Variants in SAMD5 observed in about 807,000 individuals in gnomAD.
The protein encoded by SAMD5 is sterile alpha motif domain containing 5, also known as sterile alpha motif domain-containing protein 5.
In SAMD5, 13 loss-of-function variants were observed where a neutral mutation model predicts 11.3. The observed-to-expected ratio is 1.15, with a 90% CI of 0.75 to 1.83. The LOEUF (loss-of-function observed/expected upper bound fraction) is 1.83. Among genes scored for constraint, SAMD5 ranks in the 40% most tolerant of loss-of-function variants. The pLI is 0.00. For synonymous variants in SAMD5, 129 were observed against 111.3 expected (o/e 1.16, Z -1.00); for missense variants, 255 against 239.1 (o/e 1.07, Z -0.44).
intron 1 of SAMD5, among the ~76,000 whole-genome samples, chr6:147,639,681 G>A (rs58188382): frequency 6.6e-6 from 1 of 152,324 alleles, no homozygotes; most frequent in East Asian, 1.9e-4. Context: ...TTTCTGATTA[G>A]GAAGCATTGA....
intron 1 of SAMD5, among the ~76,000 whole-genome samples, chr6:147,644,144 T>C (rs1790359529): frequency 6.6e-6 from 1 of 152,174 alleles, no homozygotes. Context: ...GACTGTAAAA[T>C]GTAGACACCA....
the SAMD5 span, among the ~76,000 whole-genome samples, chr6:147,906,696 A>G: frequency 1.2e-4 from 19 of 152,340 alleles, no homozygotes; most frequent in Admixed American, 1.2e-3. Context: ...AAGTCTACAT[A>G]CTTACATAAA....
At chr6:147,870,436 G>T in the SAMD5 span, among the ~76,000 whole-genome samples, 1 of 126,060 alleles carries the variant, frequency 7.9e-6, no homozygotes, top group Non-Finnish European at 1.7e-5. Flanking sequence ...CCTTTGGTGT[G>T]TGTGTGTGTG....
the SAMD5 span, among the ~76,000 whole-genome samples, chr6:147,857,527 T>A: frequency 1.3e-5 from 2 of 151,686 alleles, no homozygotes; most frequent in Non-Finnish European, 2.9e-5. Context: ...AAAAATTATA[T>A]AATGATAATA....
At chr6:147,578,375 C>T (rs1348412828) in intron 1 of SAMD5, among the ~76,000 whole-genome samples, 1 of 152,108 alleles carries the variant, frequency 6.6e-6, no homozygotes, top group Non-Finnish European at 1.5e-5. Flanking sequence ...ATTCCCACAT[C>T]CTTGAAGAAG....
chr6:147,844,380 G>A, the SAMD5 span, among the ~76,000 whole-genome samples: 1 of 152,132 alleles, frequency 6.6e-6, no homozygotes. Flanking sequence ...GAATCTTTGT[G>A]CACTGTTTAG....
the SAMD5 span, among the ~76,000 whole-genome samples, chr6:147,865,313 AGTGTGTGTGT>A: frequency 0.12 from 17,069 of 147,052 alleles, 1,188 homozygotes; most frequent in Non-Finnish European, 0.17. Context: ...TAGGTATATA[AGTGTGTGTGT>A]GTGTGTGTGT....
intron 1 of SAMD5, among the ~76,000 whole-genome samples, chr6:147,594,321 T>A (rs1227876435): frequency 6.6e-6 from 1 of 152,134 alleles, no homozygotes; most frequent in African/African-American, 2.4e-5. Flanking sequence ...GAGCAGAACG[T>A]GGAGAATGAA....
At chr6:147,951,727 T>C in the SAMD5 span, among the ~76,000 whole-genome samples, 4 of 152,168 alleles carry the variant, frequency 2.6e-5, no homozygotes, top group Non-Finnish European at 5.9e-5. Flanking sequence ...GGGAATTTGA[T>C]TGATTGGCCA....
At chr6:147,561,549 A>G (rs1788950843) in intron 1 of SAMD5, among the ~76,000 whole-genome samples, 3 of 152,272 alleles carry the variant, frequency 2.0e-5, no homozygotes, top group Admixed American at 6.5e-5. Context: ...TCAACCTAGT[A>G]TGATAACCGA....
At chr6:147,677,109 T>G (rs1336182286) in intron 1 of SAMD5, among the ~76,000 whole-genome samples, 1 of 152,128 alleles carries the variant, frequency 6.6e-6, no homozygotes, top group African/African-American at 2.4e-5. Flanking sequence ...CTGCTGATGT[T>G]TAGGAGTGGA....
the SAMD5 span, among the ~76,000 whole-genome samples, chr6:147,873,809 T>C: frequency 3.3e-5 from 5 of 152,228 alleles, no homozygotes; most frequent in South Asian, 2.1e-4. Context: ...TCTTTATTCA[T>C]TGAGCTAGCT....
chr6:147,587,026 A>G (rs1789384270), intron 1 of SAMD5, among the ~76,000 whole-genome samples: 1 of 152,190 alleles, frequency 6.6e-6, no homozygotes, highest in African/African-American at 2.4e-5. Flanking sequence ...GTGAATATCA[A>G]CAAAATGAAT....
the SAMD5 span, among the ~76,000 whole-genome samples, chr6:147,891,369 T>C: frequency 5.1e-4 from 78 of 152,120 alleles, no homozygotes; most frequent in Non-Finnish European, 9.7e-4. Flanking sequence ...AGGAAAAAAA[T>C]GCAATCTTGA....
At position 147,569,741 on chromosome 6, in the gene SAMD5, C is replaced by T. The variant is rs766247857; in HGVS notation, c.*5285C>T. 1.6e-5 allele frequency: 16 copies of T among 985,290 alleles called. No homozygotes were observed. The highest frequency in any genetic ancestry group is 1.9e-5 in the Non-Finnish European group (16 of 829,898). The allele number at this position is 985,290 out of a possible 1,614,324, so 61.0% of individuals were successfully genotyped here. ...TATTCATAGAAAATTTCTGCCCCTACAGAAGTGTGTGCATGGGCCTTGGAA... is the reference window on the plus strand; with the variant it reads ...TATTCATAGAAAATTTCTGCCCCTATAGAAGTGTGTGCATGGGCCTTGGAA... On this transcript the variant is annotated 3_prime_UTR_variant, in exon 2 of 2. Transcript: ENST00000367474.
intron 1 of SAMD5, among the ~76,000 whole-genome samples, chr6:147,556,547 C>T (rs552491130): frequency 6.6e-6 from 1 of 152,274 alleles, no homozygotes; most frequent in East Asian, 1.9e-4. Flanking sequence ...AGAACCAAAA[C>T]CAGAGAATGG....
chr6:147,684,087 T>C (rs992244411), intron 1 of SAMD5, among the ~76,000 whole-genome samples: 2 of 152,020 alleles, frequency 1.3e-5, no homozygotes, highest in Non-Finnish European at 1.5e-5. Flanking sequence ...CAAACCAGCA[T>C]CCCAGAAGCC....
intron 1 of SAMD5, among the ~76,000 whole-genome samples, chr6:147,602,515 G>C (rs1224445445): frequency 6.6e-6 from 1 of 152,158 alleles, no homozygotes; most frequent in Non-Finnish European, 1.5e-5. Context: ...AGGCCAAGGT[G>C]GGTGGATCAT....
chr6:147,757,588 C>T, the SAMD5 span, among the ~76,000 whole-genome samples: 1 of 152,224 alleles, frequency 6.6e-6, no homozygotes, highest in East Asian at 1.9e-4. Flanking sequence ...CAGTTTTCTG[C>T]TAGTGTTTGT....
Sources: allele counts gnomAD v4.1 joint callset (sites outside exome capture counted in the v4.1 genomes callset), GRCh38; gene constraint gnomAD v4.1.1; transcripts MANE v1.5; gene names NCBI Gene and HGNC (gene_info 2026-07-23, HGNC 2026-07-21).